DOK5: variants seen among roughly 807,000 people sequenced by gnomAD.
DOK5 encodes the protein downstream of tyrosine kinase 5.
Under a neutral mutation model 43.3 loss-of-function variants are expected in DOK5, and 27 were observed. That is an observed-to-expected ratio of 0.62 (90% CI 0.46 to 0.86). The LOEUF (loss-of-function observed/expected upper bound fraction) is 0.86, where lower values mean the gene tolerates loss of function less well. Among genes scored for constraint, DOK5 ranks in the 40% least tolerant of loss-of-function variants. The pLI is 0.00. For synonymous variants in DOK5, 146 were observed against 140.1 expected, an observed-to-expected ratio of 1.04 and a Z score of -0.30; for missense variants, 373 against 392.9, an observed-to-expected ratio of 0.95 and a Z score of 0.43.
chr20:54,593,538 A>C (rs1436703134), intron 5 of DOK5, among the ~76,000 whole-genome samples: 2 of 152,202 alleles, frequency 1.3e-5, no homozygotes, highest in Non-Finnish European at 2.9e-5. Context: ...TCTTATAAGA[A>C]AATCCCAGGC....
chr20:54,590,305 G>C (rs1415584298), intron 4 of DOK5, among the ~76,000 whole-genome samples: 1 of 152,074 alleles, frequency 6.6e-6, no homozygotes, highest in Non-Finnish European at 1.5e-5. Flanking sequence ...ATGTTAATTA[G>C]TATGACTTCA....
At chr20:54,588,253 C>T (rs758733933) in intron 2 of DOK5, among the ~76,000 whole-genome samples, 2 of 152,172 alleles carry the variant, frequency 1.3e-5, no homozygotes, top group African/African-American at 2.4e-5. Flanking sequence ...CCACTTAATA[C>T]GTTTCAGAAA....
At chr20:54,488,994 G>T (rs1378569342) in intron 1 of DOK5, among the ~76,000 whole-genome samples, 1 of 152,058 alleles carries the variant, frequency 6.6e-6, no homozygotes, top group African/African-American at 2.4e-5. Flanking sequence ...ATGGATGAAT[G>T]GTTTTACTTC....
chr20:54,520,975 C>G (rs1279086292), intron 1 of DOK5, among the ~76,000 whole-genome samples: 1 of 152,038 alleles, frequency 6.6e-6, no homozygotes, highest in Non-Finnish European at 1.5e-5. Context: ...ATGGTAGACA[C>G]ACTTGCCCCA....
At chr20:54,590,745 T>C (rs963914127) in intron 4 of DOK5, among the ~76,000 whole-genome samples, 2 of 152,166 alleles carry the variant, frequency 1.3e-5, no homozygotes, top group African/African-American at 4.8e-5. Context: ...ACCACTAATA[T>C]AAAATTGTTA....
chr20:54,487,472 A>G (rs1011658131), intron 1 of DOK5, among the ~76,000 whole-genome samples: 1 of 152,162 alleles, frequency 6.6e-6, no homozygotes, highest in African/African-American at 2.4e-5. Flanking sequence ...AACTTAATTA[A>G]TGTTAACTTA....
chr20:54,513,771 A>G (rs569885312), intron 1 of DOK5, among the ~76,000 whole-genome samples: 29 of 152,360 alleles, frequency 1.9e-4, no homozygotes, highest in African/African-American at 6.7e-4. Context: ...GTAAAAAAGA[A>G]AACACAATTA....
chr20:54,650,323 T>G, intron 7 of DOK5, 92 bp from the exon 8 acceptor site: 1 of 1,283,782 alleles, frequency 7.8e-7, no homozygotes, highest in Non-Finnish European at 1.1e-6. Context: ...GTACATTTAC[T>G]TATTTCTGTT....
chr20:54,534,819 GTTTCTTTCTTTC>G (rs112769125), intron 1 of DOK5, among the ~76,000 whole-genome samples: 4,344 of 150,544 alleles, frequency 0.029, 212 homozygotes, highest in African/African-American at 0.1. Flanking sequence ...TTGAAAGCAT[GTTTCTTTCTTTC>G]TTTCTTTCTT....
intron 5 of DOK5, among the ~76,000 whole-genome samples, chr20:54,603,645 C>T (rs920246443): frequency 2.0e-4 from 30 of 152,198 alleles, no homozygotes; most frequent in African/African-American, 6.5e-4. Flanking sequence ...GAGTAGAGGC[C>T]GGGGATGCTG....
chr20:54,494,215 T>C (rs1982302347), intron 1 of DOK5, among the ~76,000 whole-genome samples: 1 of 152,236 alleles, frequency 6.6e-6, no homozygotes, highest in Admixed American at 6.5e-5. Flanking sequence ...CTTCGCTTTA[T>C]TGTTGTACTC....
chr20:54,609,676 C>A (rs1192199536), intron 5 of DOK5, among the ~76,000 whole-genome samples: 2 of 152,024 alleles, frequency 1.3e-5, no homozygotes. Flanking sequence ...CCAGTCTTCC[C>A]TTATTAATGA....
At chr20:54,479,815 C>G (rs940676877) in intron 1 of DOK5, among the ~76,000 whole-genome samples, 2 of 152,146 alleles carry the variant, frequency 1.3e-5, no homozygotes, top group Admixed American at 1.3e-4. Flanking sequence ...ATCTTAGCCA[C>G]TAGAGGTCCC....
chr20:54,649,947 T>C (rs1347363938), intron 7 of DOK5, among the ~76,000 whole-genome samples: 3 of 152,218 alleles, frequency 2.0e-5, no homozygotes, highest in Non-Finnish European at 4.4e-5. Flanking sequence ...TGTTGCCTTC[T>C]TGACTTTTTA....
chr20:54,536,804 G>A (rs1983976887), intron 1 of DOK5, among the ~76,000 whole-genome samples: 2 of 152,316 alleles, frequency 1.3e-5, no homozygotes, highest in Admixed American at 1.3e-4. Context: ...TCATGAGACT[G>A]TAATGAGTTA....
At chr20:54,536,405 T>C (rs1983964713) in intron 1 of DOK5, among the ~76,000 whole-genome samples, 1 of 152,234 alleles carries the variant, frequency 6.6e-6, no homozygotes, top group African/African-American at 2.4e-5. Context: ...TATAAAAGTA[T>C]TTACAGGCTT....
At chr20:54,636,749 A>G (rs1390916582) in intron 6 of DOK5, among the ~76,000 whole-genome samples, 1 of 152,176 alleles carries the variant, frequency 6.6e-6, no homozygotes, top group African/African-American at 2.4e-5. Context: ...CTCTTTCTTT[A>G]CTGCAATGCC....
Position 54,480,944 on chromosome 20 carries a change from T to TATCATCTATCATCTATCTATC in DOK5, c.66+4935_66+4936insATCTATCATCTATCTATCATC. Among the ~76,000 whole-genome samples, 49 of 140,872 alleles carry TATCATCTATCATCTATCTATC rather than the reference T, an allele frequency of 3.5e-4. 2 individuals are homozygous for TATCATCTATCATCTATCTATC. Among genetic ancestry groups the TATCATCTATCATCTATCTATC allele is most frequent in the African/African-American group, 1.2e-3 (41 of 33,518 alleles). 92.4% of individuals were successfully genotyped at this position (140,872 alleles called of 152,430 possible). On this transcript the variant is annotated intron_variant, in intron 1 of 7. Coordinates refer to ENST00000262593, the MANE Select transcript of DOK5 (RefSeq NM_018431.5). ...ATCTATCAATCATCTATCATCTATC[T>TATCATCTATCATCTATCTATC]ATCTATCATCTATCTATCATCTATC...
intron 1 of DOK5, among the ~76,000 whole-genome samples, chr20:54,552,690 C>G (rs1437200566): frequency 6.6e-6 from 1 of 152,038 alleles, no homozygotes; most frequent in Non-Finnish European, 1.5e-5. Context: ...TAATCCCTGA[C>G]TTTTTTATTG....
Sources: gnomAD v4.1 joint callset for allele counts (sites outside exome capture counted in the v4.1 genomes callset) on GRCh38, gnomAD v4.1.1 for gene constraint, MANE v1.5 for transcripts, NCBI Gene and HGNC (gene_info 2026-07-23, HGNC 2026-07-21) for gene names.